CALD1: variants seen among roughly 807,000 people sequenced by gnomAD.
The protein encoded by CALD1 is caldesmon.
CALD1 carries 33 observed loss-of-function variants against 99.9 expected under a neutral mutation model. The observed-to-expected ratio is 0.33, with a 90% CI of 0.25 to 0.44. CALD1 has a LOEUF of 0.44. CALD1 is among the 20% of genes least tolerant of loss of function. The pLI, the probability that CALD1 is intolerant of heterozygous loss-of-function variation, is 1.00. For synonymous variants in CALD1, 310 were observed against 325.0 expected, an observed-to-expected ratio of 0.95 and a Z score of 0.50; for missense variants, 861 against 962.1, an observed-to-expected ratio of 0.89 and a Z score of 1.39.
intron 3 of CALD1, among the ~76,000 whole-genome samples, chr7:134,889,645 G>A (rs1167416540): frequency 6.6e-6 from 1 of 152,172 alleles, no homozygotes; most frequent in Non-Finnish European, 1.5e-5. Context: ...GCAGCAGAAT[G>A]CCTCGATACA....
chr7:134,729,444 G>A, the CALD1 span, among the ~76,000 whole-genome samples: 77 of 152,314 alleles, frequency 5.1e-4, 2 homozygotes, highest in East Asian at 0.012. Flanking sequence ...CTCTCACCTC[G>A]GATAGTGGTG....
chr7:134,813,088 T>C (rs1271715596), intron 1 of CALD1, among the ~76,000 whole-genome samples: 1 of 152,166 alleles, frequency 6.6e-6, no homozygotes, highest in Admixed American at 6.5e-5. Context: ...CATGTATTAA[T>C]TAAGATGAGA....
At chr7:134,741,959 A>T (rs1284306253), upstream of CALD1, among the ~76,000 whole-genome samples, 2 of 152,066 alleles carry the variant, frequency 1.3e-5, no homozygotes, top group African/African-American at 4.8e-5. Context: ...TTCATTCTAC[A>T]GTTAAGGATA....
At chr7:134,779,430 G>A (rs2131664149), upstream of CALD1, 1 of 372,450 alleles carries the variant, frequency 2.7e-6, no homozygotes, top group East Asian at 3.9e-5. Flanking sequence ...GATTTCCTGA[G>A]CATGCCTAGG....
At chr7:134,725,947 C>G in the CALD1 span, among the ~76,000 whole-genome samples, 1 of 152,138 alleles carries the variant, frequency 6.6e-6, no homozygotes, top group African/African-American at 2.4e-5. Flanking sequence ...CTATGGGGTC[C>G]CCTGATGACA....
chr7:134,878,441 C>T (rs1039409370), intron 3 of CALD1, among the ~76,000 whole-genome samples: 14 of 152,032 alleles, frequency 9.2e-5, no homozygotes, highest in South Asian at 6.3e-4. Flanking sequence ...TAGTAGTGGG[C>T]GCCTGTAATT....
chr7:134,777,850 G>T (rs938737031), upstream of CALD1, among the ~76,000 whole-genome samples: 1 of 152,212 alleles, frequency 6.6e-6, no homozygotes, highest in African/African-American at 2.4e-5. Context: ...TTTCCTTCCT[G>T]TCAGATATGG....
chr7:134,780,549 A>G (rs1355702969), intron 1 of CALD1, among the ~76,000 whole-genome samples: 2 of 152,156 alleles, frequency 1.3e-5, no homozygotes, highest in Non-Finnish European at 2.9e-5. Context: ...TCGATTGGCA[A>G]TGTGTTTCAG....
At chr7:134,712,336 C>T in the CALD1 span, among the ~76,000 whole-genome samples, 5 of 152,164 alleles carry the variant, frequency 3.3e-5, no homozygotes, top group African/African-American at 7.2e-5. Flanking sequence ...TCTGTCTTGG[C>T]GCAGTCATAA....
chr7:134,714,588 G>T, the CALD1 span, among the ~76,000 whole-genome samples: 2 of 152,240 alleles, frequency 1.3e-5, no homozygotes, highest in African/African-American at 2.4e-5. Context: ...AAGAAAGCAG[G>T]TTTATTGAAG....
intron 3 of CALD1, among the ~76,000 whole-genome samples, chr7:134,872,375 A>T (rs1024461061): frequency 7.8e-6 from 1 of 128,192 alleles, no homozygotes; most frequent in Admixed American, 7.4e-5. Flanking sequence ...AAAAAAAAAA[A>T]AAAAAAACTT....
intron 3 of CALD1, among the ~76,000 whole-genome samples, chr7:134,926,027 A>C (rs1461827818): frequency 6.6e-6 from 1 of 152,236 alleles, no homozygotes; most frequent in Non-Finnish European, 1.5e-5. Context: ...GGTGAAGCCA[A>C]ACCACTGGGA....
At chr7:134,767,212 TG>T (rs1796834523) in intron 1 of CALD1, among the ~76,000 whole-genome samples, 1 of 150,672 alleles carries the variant, frequency 6.6e-6, no homozygotes, top group Non-Finnish European at 1.5e-5. Context: ...TGTGTGTGTG[TG>T]TGTGTGTGTG....
Position 134,933,226 on chromosome 7 carries a change from A to G in CALD1, c.457A>G (p.Ser153Gly). 2 of 1,610,862 alleles carry G rather than the reference A, an allele frequency of 1.2e-6. No homozygotes were observed. The highest frequency in any genetic ancestry group is 1.7e-6 in the Non-Finnish European group (2 of 1,179,062). ...TGAAACTACCGAGAAGGAAGAAAAA[A>G]GTGAAAGTCGCCAAGAAAGATACGA... ...ENETTEKEEKSESRQERYEIE... is the reference protein window; with the variant it reads ...ENETTEKEEKGESRQERYEIE... Residue 153 changes from serine to glycine, a missense_variant, in exon 5 of 15, where the codon AGT becomes GGT. Coordinates refer to ENST00000361675, the MANE Select transcript of CALD1 (RefSeq NM_033138.4).
chr7:134,736,250 A>G, the CALD1 span, among the ~76,000 whole-genome samples: 11 of 152,226 alleles, frequency 7.2e-5, no homozygotes, highest in Admixed American at 5.2e-4. Context: ...AGTGTATTAT[A>G]ACTGAACATT....
At chr7:134,920,860 C>T in intron 3 of CALD1, 1 of 403,364 alleles carries the variant, frequency 2.5e-6, no homozygotes, top group Non-Finnish European at 4.6e-6. Context: ...TTAAGGAAAA[C>T]AGACTTGGAA....
At chr7:134,869,253 A>G (rs1800950120) in intron 3 of CALD1, among the ~76,000 whole-genome samples, 1 of 152,218 alleles carries the variant, frequency 6.6e-6, no homozygotes, top group South Asian at 2.1e-4. Flanking sequence ...AGAAGTGGAA[A>G]TAAGAATCCT....
chr7:134,834,706 T>C (rs1384889845), intron 1 of CALD1, among the ~76,000 whole-genome samples: 1 of 152,250 alleles, frequency 6.6e-6, no homozygotes, highest in African/African-American at 2.4e-5. Context: ...CCATTTGTGA[T>C]GTCACTAGGC....
At chr7:134,822,123 TCAC>T (rs1798808495) in intron 1 of CALD1, 1 of 152,230 alleles carries the variant, frequency 6.6e-6, no homozygotes, top group Non-Finnish European at 1.5e-5. Context: ...TTGTGGCACA[TCAC>T]CCAATTCTTG....
Sources: allele counts gnomAD v4.1 joint callset (sites outside exome capture counted in the v4.1 genomes callset), GRCh38; gene constraint gnomAD v4.1.1; transcripts MANE v1.5; gene names NCBI Gene and HGNC (gene_info 2026-07-23, HGNC 2026-07-21).